The following CES5A variants were observed in gnomAD, a reference collection of about 807,000 sequenced individuals.
CES5A encodes the protein carboxylesterase 5.
Under a neutral mutation model 62.9 loss-of-function variants are expected in CES5A, and 67 were observed. The observed-to-expected ratio is 1.07, with a 90% confidence interval of 0.88 to 1.31. The LOEUF (loss-of-function observed/expected upper bound fraction) is 1.31, where lower values mean the gene tolerates loss of function less well. Among genes scored for constraint, CES5A ranks in the 50% most tolerant of loss-of-function variants. CES5A has a pLI of 0.00. For missense variants in CES5A, 748 were observed against 708.5 expected, an observed-to-expected ratio of 1.06 and a Z score of -0.63; for synonymous variants, 296 against 280.8, an observed-to-expected ratio of 1.05 and a Z score of -0.54.
chr16:55,925,100 A>C (rs1448563512), intron 1 of CES5A, among the ~76,000 whole-genome samples: 1 of 152,098 alleles, frequency 6.6e-6, no homozygotes, highest in Non-Finnish European at 1.5e-5. Context: ...ATGAGAAAAT[A>C]TTTGTAAACT....
intron 1 of CES5A, among the ~76,000 whole-genome samples, chr16:55,891,205 G>T (rs1335230992): frequency 6.6e-6 from 1 of 152,122 alleles, no homozygotes; most frequent in Non-Finnish European, 1.5e-5. Context: ...GCCAATAGGG[G>T]AATGACACAG....
upstream of CES5A, among the ~76,000 whole-genome samples, chr16:55,927,674 G>T (rs374617799): frequency 5.9e-5 from 9 of 152,150 alleles, no homozygotes; most frequent in East Asian, 1.2e-3. Flanking sequence ...TGGTGGGAAT[G>T]ATGTAAATTA....
chr16:55,887,426 A>G (rs2033828906), intron 1 of CES5A, among the ~76,000 whole-genome samples: 1 of 152,104 alleles, frequency 6.6e-6, no homozygotes, highest in Non-Finnish European at 1.5e-5. Flanking sequence ...ATCATTAAAA[A>G]CTAGGGCTGC....
Position 55,932,564 on chromosome 16 carries a change from G to A in CES5A, c.160+17221C>T, listed in dbSNP as rs1159607565. ...TGTGTGATGACAGAAAATAATGGGG[G>A]GGGGAGGGTGGGCAACTCTGGATAG... On this transcript the variant is annotated intron_variant, in intron 2 of 13. Transcript: ENST00000521992. 2.7e-5 allele frequency among the ~76,000 whole-genome samples: 4 copies of A among 145,838 alleles called. No homozygotes were observed. In the East Asian group the frequency reaches 6.7e-4, roughly 24 times the overall value.
chr16:55,851,207 G>A (rs563986148), intron 10 of CES5A, among the ~76,000 whole-genome samples: 5 of 152,158 alleles, frequency 3.3e-5, no homozygotes, highest in African/African-American at 1.2e-4. Flanking sequence ...AGGCAACCCG[G>A]CAACCCACAG....
chr16:55,854,905 T>C (rs191860083), intron 9 of CES5A, among the ~76,000 whole-genome samples: 8 of 152,290 alleles, frequency 5.3e-5, no homozygotes, highest in Non-Finnish European at 1.0e-4. Context: ...ATGAAGTCTA[T>C]GTTCATTACA....
intron 1 of CES5A, among the ~76,000 whole-genome samples, chr16:55,918,884 T>C (rs1326651745): frequency 6.6e-6 from 1 of 152,220 alleles, no homozygotes; most frequent in African/African-American, 2.4e-5. Flanking sequence ...AGCAAACTTT[T>C]ATCCCTTCCC....
intron 1 of CES5A, among the ~76,000 whole-genome samples, chr16:55,881,314 A>G (rs1169661866): frequency 6.6e-6 from 1 of 152,202 alleles, no homozygotes; most frequent in African/African-American, 2.4e-5. Context: ...CCCAGGAGAA[A>G]AGGGATTTCC....
In CES5A at chr16:55,917,091, G is replaced by A. The variant is rs150254609; in HGVS notation, c.-256+8232C>T. On this transcript the variant is annotated intron_variant, in intron 1 of 12. Transcript: ENST00000518005. The stretch of plus-strand genomic sequence containing the variant: ...AACCTTGAAGGCAGGCAACCCCCAA[G>A]GCTCACTCCTCAGAGCTCTGCTCTC... Among the ~76,000 whole-genome samples the A allele has an allele frequency of 2.4e-3, 371 of 152,252 alleles. 2 individuals are homozygous for A. The highest frequency in any genetic ancestry group is 8.3e-3 in the African/African-American group (345 of 41,550).
At chr16:55,917,398 A>G (rs1360699239) in intron 1 of CES5A, among the ~76,000 whole-genome samples, 3 of 152,218 alleles carry the variant, frequency 2.0e-5, no homozygotes, top group African/African-American at 7.2e-5. Flanking sequence ...GTTCTCTCAT[A>G]AGATTATGGT....
At chr16:55,877,466 G>GTATATA (rs10691094), upstream of CES5A, among the ~76,000 whole-genome samples, 132 of 147,804 alleles carry the variant, frequency 8.9e-4, 2 homozygotes, top group African/African-American at 3.2e-3. Flanking sequence ...GTGTGTGTGT[G>GTATATA]TATATATATA....
chr16:55,921,056 T>G (rs1426462274), intron 1 of CES5A, among the ~76,000 whole-genome samples: 1 of 152,074 alleles, frequency 6.6e-6, no homozygotes, highest in African/African-American at 2.4e-5. Flanking sequence ...GATAGGCTTT[T>G]GAAAATACAC....
At chr16:55,871,903 TCATGC>T in intron 2 of CES5A, 140 bp from the exon 3 acceptor site, 4 of 780,588 alleles carry the variant, frequency 5.1e-6, no homozygotes, top group Admixed American at 5.1e-5. Flanking sequence ...CAAAGTCCAA[TCATGC>T]CCAAACCCCC....
intron 1 of CES5A, among the ~76,000 whole-genome samples, chr16:55,890,466 A>G (rs1337843227): frequency 3.3e-5 from 5 of 152,156 alleles, no homozygotes; most frequent in South Asian, 2.1e-4. Context: ...ATCAATGAAA[A>G]TCTTGCAGGA....
chr16:55,875,322 T>C lies in CES5A; in HGVS notation c.-101A>G. ...GAGCTTCCTGTTAACAGGCAAATGC[T>C]GAATAGGCAGGCAGAGGCAGCAGAG... On this transcript the variant is annotated 5_prime_UTR_variant, in exon 1 of 13. Transcript: ENST00000290567. 1 of 1,541,318 alleles carries C rather than the reference T, an allele frequency of 6.5e-7. No homozygotes were observed. Among genetic ancestry groups the C allele is most frequent in the Middle Eastern group, 2.1e-4 (1 of 4,788 alleles).
upstream of CES5A, among the ~76,000 whole-genome samples, chr16:55,929,945 C>T (rs1201546995): frequency 2.6e-5 from 4 of 151,950 alleles, no homozygotes; most frequent in East Asian, 3.9e-4. Flanking sequence ...TTCTGTAAAA[C>T]CCAATTGTGG....
At chr16:55,944,222 C>A (rs1225933112) in intron 2 of CES5A, 2 of 646,946 alleles carry the variant, frequency 3.1e-6, no homozygotes, top group East Asian at 5.4e-5. Context: ...CGACTCTGAA[C>A]AAGACCCCTC....
intron 6 of CES5A, 48 bp downstream of exon 6, chr16:55,863,300 C>T (rs1597118653): frequency 9.8e-7 from 1 of 1,016,072 alleles, no homozygotes. Flanking sequence ...ACCACATTCT[C>T]TGCTAACTGA....
At chr16:55,897,052 A>C (rs2142438344) in intron 1 of CES5A, among the ~76,000 whole-genome samples, 1 of 149,636 alleles carries the variant, frequency 6.7e-6, no homozygotes, top group African/African-American at 2.5e-5. Context: ...TCATTCCCCC[A>C]TCCCCGCATC....
Sources: gnomAD v4.1 joint callset for allele counts (sites outside exome capture counted in the v4.1 genomes callset) on GRCh38, gnomAD v4.1.1 for gene constraint, MANE v1.5 for transcripts, NCBI Gene and HGNC (gene_info 2026-07-23, HGNC 2026-07-21) for gene names.